THSD7B: variants seen among roughly 807,000 people sequenced by gnomAD.
THSD7B encodes the protein thrombospondin type 1 domain containing 7B, also known as thrombospondin type-1 domain-containing protein 7B.
Under a neutral mutation model 213.6 loss-of-function variants are expected in THSD7B, and 138 were observed. The ratio of observed to expected loss-of-function variants is 0.65; its 90% CI spans 0.56 to 0.74. THSD7B has a LOEUF of 0.74. THSD7B is among the 30% of genes least tolerant of loss of function. THSD7B has a pLI of 0.00. For synonymous variants in THSD7B, 742 were observed against 687.0 expected, an observed-to-expected ratio of 1.08 and a Z score of -1.25; for missense variants, 1,931 against 1,991.5, an observed-to-expected ratio of 0.97 and a Z score of 0.58.
chr2:137,344,316 T>C (rs945868147), intron 12 of THSD7B, among the ~76,000 whole-genome samples: 1 of 151,718 alleles, frequency 6.6e-6, no homozygotes, highest in Admixed American at 6.6e-5. Flanking sequence ...TCATGTTGAA[T>C]AATGTGGCTT....
In THSD7B at chr2:136,859,708, G is replaced by A. The variant is rs17721044; in HGVS notation, c.-35-22436G>A. ...ATGGTCAAGCATACTTGGCCACAGT[G>A]CGTTTTTATGTTCATCAGAAACAGC... On this transcript the variant is annotated intron_variant, in intron 1 of 27. Coordinates refer to ENST00000409968, the MANE Select transcript of THSD7B (RefSeq NM_001316349.2). 4.1e-3 allele frequency among the ~76,000 whole-genome samples: 619 copies of A among 152,282 alleles called. 2 individuals carry two copies. The highest frequency in any genetic ancestry group is 0.01 in the Middle Eastern group (3 of 294).
chr2:136,952,656 C>G, intron 2 of THSD7B, among the ~76,000 whole-genome samples: 1 of 152,084 alleles, frequency 6.6e-6, no homozygotes, highest in Non-Finnish European at 1.5e-5. Context: ...ACCAACACTT[C>G]TAAAGAGGTT....
intron 5 of THSD7B, among the ~76,000 whole-genome samples, chr2:137,135,146 A>T (rs181523000): frequency 2.4e-4 from 37 of 152,310 alleles, no homozygotes; most frequent in African/African-American, 8.9e-4. Context: ...CTCTTAAATT[A>T]TTATTGCCAT....
In THSD7B at chr2:137,620,659, C is replaced by T. The variant is rs200261966; in HGVS notation, c.3732C>T (p.Cys1244=). ...QRMSIPCLVE[C]VVNCQLSGWT... ...TGAGCATTCCCTGCTTGGTGGAATG[C>T]GTGGTCAACTGTCAGCTCTCAGGGT... is the stretch of plus-strand genomic sequence containing the variant. Residue 1244 remains cysteine (C), a synonymous_variant, in exon 20 of 28, where the codon TGC becomes TGT. Coordinates refer to ENST00000409968, the MANE Select transcript of THSD7B (RefSeq NM_001316349.2). 1,195 of 1,613,752 alleles carry T rather than the reference C, an allele frequency of 7.4e-4. 1 individual carries two copies. The highest frequency in any genetic ancestry group is 9.8e-4 in the Non-Finnish European group (1,160 of 1,179,810).
chr2:136,985,315 C>T (rs531366046), intron 2 of THSD7B, among the ~76,000 whole-genome samples: 6 of 152,262 alleles, frequency 3.9e-5, no homozygotes, highest in East Asian at 3.9e-4. Context: ...CCAGAGACCT[C>T]GGAGGAGAGA....
chr2:137,189,287 T>A (rs911693474), intron 7 of THSD7B, among the ~76,000 whole-genome samples: 11 of 152,006 alleles, frequency 7.2e-5, no homozygotes, highest in African/African-American at 2.7e-4. Context: ...TATCAAAGGG[T>A]TTTCAACACT....
intron 15 of THSD7B, among the ~76,000 whole-genome samples, chr2:137,456,996 T>C (rs992236431): frequency 2.0e-5 from 3 of 152,184 alleles, no homozygotes; most frequent in Non-Finnish European, 4.4e-5. Flanking sequence ...ATTGCACTAA[T>C]TGAGCTGAAT....
chr2:137,231,327 A>G, intron 8 of THSD7B, 92 bp downstream of exon 8: 1 of 1,156,378 alleles, frequency 8.6e-7, no homozygotes, highest in Non-Finnish European at 1.2e-6. Context: ...TATGGAGGAA[A>G]TAGTCACACA....
At chr2:137,550,083 G>A (rs1328898186) in intron 15 of THSD7B, among the ~76,000 whole-genome samples, 1 of 152,006 alleles carries the variant, frequency 6.6e-6, no homozygotes, top group Non-Finnish European at 1.5e-5. Flanking sequence ...CAGGGTATTG[G>A]AGAAGGCATT....
chr2:136,995,316 G>A (rs1242634490), intron 2 of THSD7B, among the ~76,000 whole-genome samples: 1 of 149,804 alleles, frequency 6.7e-6, no homozygotes, highest in African/African-American at 2.5e-5. Flanking sequence ...TGGGAAGATG[G>A]GCAGTAGGGA....
intron 5 of THSD7B, among the ~76,000 whole-genome samples, chr2:137,144,447 A>G (rs1039466054): frequency 6.6e-6 from 1 of 152,094 alleles, no homozygotes; most frequent in Admixed American, 6.6e-5. Flanking sequence ...TCAGTATCAG[A>G]GAGGCTCAAG....
chr2:137,511,442 G>A (rs1010548155), intron 15 of THSD7B, among the ~76,000 whole-genome samples: 2 of 152,176 alleles, frequency 1.3e-5, no homozygotes, highest in Non-Finnish European at 2.9e-5. Flanking sequence ...GTCAGTTTCA[G>A]GTCCCCCCTG....
chr2:137,093,226 C>G (rs1452169913), intron 3 of THSD7B, among the ~76,000 whole-genome samples: 1 of 151,736 alleles, frequency 6.6e-6, no homozygotes, highest in East Asian at 1.9e-4. Flanking sequence ...GGAAGCCCTT[C>G]CAGAGCAGCT....
intron 1 of THSD7B, among the ~76,000 whole-genome samples, chr2:136,854,868 C>T (rs375713748): frequency 3.3e-5 from 5 of 152,042 alleles, no homozygotes; most frequent in Admixed American, 2.0e-4. Context: ...GTATCTGTAG[C>T]GTCTCTCTCC....
chr2:137,275,850 A>G, intron 11 of THSD7B, 73 bp from the exon 12 acceptor site: 1 of 1,151,716 alleles, frequency 8.7e-7, no homozygotes, highest in South Asian at 1.4e-5. Flanking sequence ...TTTAAACTTC[A>G]AACATATGTA....
rs372959357 is a variant in THSD7B, at chr2:137,160,233, G to C, written c.1390G>C (p.Ala464Pro). 1.9e-6 allele frequency: 3 copies of C among 1,613,354 alleles called. No homozygotes were observed. The highest frequency in any genetic ancestry group is 2.2e-5 in the East Asian group (1 of 44,842). ...CTCAGTCTCTAGACCTGTGGAAAAG[G>C]CATTATGTGTGGGACCCGCCCCGTT... ...AKEVSRPVEKALCVGPAPLPS... is the reference protein window; with the variant it reads ...AKEVSRPVEKPLCVGPAPLPS... Residue 464 changes from alanine to proline, a missense_variant, in exon 6 of 28, where the codon GCA (alanine) becomes CCA (proline). Physicochemically the swap from Ala to Pro is conservative, Grantham distance 27 (BLOSUM62 -1). Transcript: ENST00000409968.
intron 1 of THSD7B, among the ~76,000 whole-genome samples, chr2:136,802,336 G>A (rs1028709281): frequency 6.6e-6 from 1 of 151,860 alleles, no homozygotes; most frequent in Non-Finnish European, 1.5e-5. Flanking sequence ...TTTGCAATAT[G>A]TGTACAGTGA....
intron 7 of THSD7B, among the ~76,000 whole-genome samples, chr2:137,228,628 C>A (rs1681570431): frequency 6.6e-6 from 1 of 152,162 alleles, no homozygotes; most frequent in Admixed American, 6.5e-5. Context: ...CTTTGCTGAT[C>A]CTTCCAACGC....
chr2:137,000,307 G>A (rs1685977666), intron 2 of THSD7B, among the ~76,000 whole-genome samples: 1 of 152,102 alleles, frequency 6.6e-6, no homozygotes, highest in Admixed American at 6.6e-5. Flanking sequence ...TCTAGAAATT[G>A]TAGATTTCCT....
Sources: gnomAD v4.1 joint callset for allele counts (sites outside exome capture counted in the v4.1 genomes callset) on GRCh38, gnomAD v4.1.1 for gene constraint, MANE v1.5 for transcripts, NCBI Gene and HGNC (gene_info 2026-07-23, HGNC 2026-07-21) for gene names.